The following BCKDHB variants were observed in gnomAD, a reference collection of about 807,000 sequenced individuals.
BCKDHB encodes 2-oxoisovalerate dehydrogenase subunit beta, mitochondrial.
Under a neutral mutation model 48.5 loss-of-function variants are expected in BCKDHB, and 41 were observed. The ratio of observed to expected loss-of-function variants is 0.85; its 90% CI spans 0.66 to 1.10. The LOEUF (loss-of-function observed/expected upper bound fraction) is 1.10. Among genes scored for constraint, BCKDHB ranks in the 50% least tolerant of loss-of-function variants. The pLI, the probability that BCKDHB is intolerant of heterozygous loss-of-function variation, is 0.00. For missense variants in BCKDHB, 496 were observed against 494.2 expected (o/e 1.00, Z -0.03); for synonymous variants, 201 against 174.8 (o/e 1.15, Z -1.18).
chr6:80,330,347 T>C (rs1645112055), intron 9 of BCKDHB, among the ~76,000 whole-genome samples: 1 of 152,142 alleles, frequency 6.6e-6, no homozygotes, highest in Non-Finnish European at 1.5e-5. Flanking sequence ...ATATATATAT[T>C]TGGCCTCATC....
At chr6:80,208,920 A>T (rs183210686) in intron 8 of BCKDHB, among the ~76,000 whole-genome samples, 120 of 152,000 alleles carry the variant, frequency 7.9e-4, no homozygotes, top group African/African-American at 2.8e-3. Context: ...GGCCAGCATA[A>T]TCTTAATATC....
At chr6:80,158,350 A>G (rs561405436) in intron 3 of BCKDHB, among the ~76,000 whole-genome samples, 1 of 152,124 alleles carries the variant, frequency 6.6e-6, no homozygotes, top group Non-Finnish European at 1.5e-5. Context: ...CTTGCCTTGG[A>G]GTGTTCAGAA....
At chr6:80,355,031 C>T in the BCKDHB span, among the ~76,000 whole-genome samples, 9 of 151,872 alleles carry the variant, frequency 5.9e-5, no homozygotes, top group Non-Finnish European at 7.4e-5. Flanking sequence ...TTTCTAATTC[C>T]GTGAAAAATG....
intron 9 of BCKDHB, among the ~76,000 whole-genome samples, chr6:80,335,245 A>AAAAAG (rs59529287): frequency 0.11 from 12,045 of 105,682 alleles, 1,676 homozygotes; most frequent in African/African-American, 0.3. Context: ...AAAAAAAAAA[A>AAAAAG]AAGAAGAAAA....
At chr6:80,151,534 G>T (rs1474798250) in intron 3 of BCKDHB, among the ~76,000 whole-genome samples, 1 of 151,802 alleles carries the variant, frequency 6.6e-6, no homozygotes, top group Non-Finnish European at 1.5e-5. Context: ...CAGTAGCAGT[G>T]AGACTCAGAT....
chr6:80,390,356 T>C, the BCKDHB span, among the ~76,000 whole-genome samples: 4 of 152,160 alleles, frequency 2.6e-5, no homozygotes, highest in Admixed American at 6.6e-5. Flanking sequence ...AGGTGCTTGC[T>C]GAAGGCAAAG....
chr6:80,393,221 C>G, the BCKDHB span, among the ~76,000 whole-genome samples: 1 of 152,080 alleles, frequency 6.6e-6, no homozygotes, highest in African/African-American at 2.4e-5. Context: ...AATTCATACC[C>G]AAATTCTCCC....
At chr6:80,149,885 G>A (rs1241762217) in intron 3 of BCKDHB, among the ~76,000 whole-genome samples, 2 of 150,812 alleles carry the variant, frequency 1.3e-5, no homozygotes, top group East Asian at 2.0e-4. Context: ...GCTAAATGAC[G>A]AGTTAATGGG....
chr6:80,142,302 C>T (rs947891375), intron 3 of BCKDHB, among the ~76,000 whole-genome samples: 11 of 151,956 alleles, frequency 7.2e-5, no homozygotes, highest in Admixed American at 3.3e-4. Flanking sequence ...ATGTTATCCA[C>T]TAAAAAGATG....
the BCKDHB span, among the ~76,000 whole-genome samples, chr6:80,376,598 T>C: frequency 6.6e-6 from 1 of 151,658 alleles, no homozygotes; most frequent in African/African-American, 2.4e-5. Flanking sequence ...TGTGAATTTC[T>C]GCATACTGCT....
chr6:80,119,238 TGAAC>T (rs971578232), intron 1 of BCKDHB, among the ~76,000 whole-genome samples: 1 of 152,036 alleles, frequency 6.6e-6, no homozygotes, highest in Non-Finnish European at 1.5e-5. Flanking sequence ...AAAAATAAAA[TGAAC>T]GAATGAATGA....
intron 7 of BCKDHB, among the ~76,000 whole-genome samples, chr6:80,202,815 G>A (rs935789125): frequency 6.9e-6 from 1 of 144,736 alleles, no homozygotes. Flanking sequence ...TGCTTTCTAC[G>A]TATTTGTATG....
rs1182426045 is a variant in BCKDHB, at chr6:80,222,423, T to G, written c.951+19211T>G. On this transcript the variant is annotated intron_variant, in intron 8 of 9. Transcript: ENST00000320393. ...AACGATTACTAGAAAGATACCTGCATTTGAAAAATATGCCCCTCCTGATTG... is the reference window on the plus strand; with the variant it reads ...AACGATTACTAGAAAGATACCTGCAGTTGAAAAATATGCCCCTCCTGATTG... Among the ~76,000 whole-genome samples the G allele has an allele frequency of 2.0e-5, 3 of 152,174 alleles. No individual in the cohort carries two copies. In the East Asian group the frequency reaches 5.8e-4, roughly 29 times the overall value.
At chr6:80,400,215 C>T in the BCKDHB span, among the ~76,000 whole-genome samples, 1 of 151,864 alleles carries the variant, frequency 6.6e-6, no homozygotes, top group African/African-American at 2.4e-5. Context: ...TGCGACAAAA[C>T]CCAAAATTCA....
chr6:80,386,325 A>G, the BCKDHB span, among the ~76,000 whole-genome samples: 15 of 152,214 alleles, frequency 9.9e-5, no homozygotes, highest in Admixed American at 5.9e-4. Flanking sequence ...GTGCCCATCA[A>G]TGGTAGACTG....
intron 8 of BCKDHB, among the ~76,000 whole-genome samples, chr6:80,226,742 G>A (rs1186573352): frequency 1.3e-5 from 2 of 152,172 alleles, no homozygotes; most frequent in Non-Finnish European, 2.9e-5. Flanking sequence ...TTCTGCAGCA[G>A]GCGCCTGCCT....
chr6:80,312,938 T>C (rs1768241546), intron 9 of BCKDHB, among the ~76,000 whole-genome samples: 1 of 150,718 alleles, frequency 6.6e-6, no homozygotes, highest in African/African-American at 2.5e-5. Context: ...GATGCTGGCC[T>C]CATAGAATGA....
intron 9 of BCKDHB, among the ~76,000 whole-genome samples, chr6:80,286,762 T>A (rs965212135): frequency 6.6e-6 from 1 of 152,092 alleles, no homozygotes; most frequent in Non-Finnish European, 1.5e-5. Context: ...ATAGACAGAG[T>A]CTGAAGCCCT....
chr6:80,354,674 G>C, the BCKDHB span, among the ~76,000 whole-genome samples: 1 of 152,070 alleles, frequency 6.6e-6, no homozygotes, highest in African/African-American at 2.4e-5. Flanking sequence ...AATTCATCTT[G>C]AGTTGATTTT....
Sources: gnomAD v4.1 joint callset for allele counts (sites outside exome capture counted in the v4.1 genomes callset) on GRCh38, gnomAD v4.1.1 for gene constraint, MANE v1.5 for transcripts, NCBI Gene and HGNC (gene_info 2026-07-23, HGNC 2026-07-21) for gene names.